ST6GALNAC3: variants seen among roughly 807,000 people sequenced by gnomAD.
ST6GALNAC3 encodes ST6 N-acetylgalactosaminide alpha-2,6-sialyltransferase 3.
A neutral mutation model predicts 32.7 loss-of-function variants in ST6GALNAC3; 25 were observed. The observed-to-expected ratio is 0.76, with a 90% confidence interval of 0.56 to 1.07. The LOEUF (loss-of-function observed/expected upper bound fraction) is 1.07. ST6GALNAC3 is among the 50% of genes least tolerant of loss of function. The probability of loss-of-function intolerance (pLI) is 0.00; values close to 1 mark genes in which losing one functional copy is unlikely to be tolerated. For missense variants in ST6GALNAC3, 355 were observed against 382.4 expected, an observed-to-expected ratio of 0.93 and a Z score of 0.60; for synonymous variants, 129 against 133.1, an observed-to-expected ratio of 0.97 and a Z score of 0.21.
intron 3 of ST6GALNAC3, among the ~76,000 whole-genome samples, chr1:76,594,551 A>G (rs553209219): frequency 6.6e-6 from 1 of 152,292 alleles, no homozygotes; most frequent in South Asian, 2.1e-4. Context: ...TTCTCCTCCT[A>G]AAGGAAAACT....
chr1:76,534,141 C>A (rs755200324), intron 3 of ST6GALNAC3, among the ~76,000 whole-genome samples: 1 of 152,086 alleles, frequency 6.6e-6, no homozygotes, highest in Non-Finnish European at 1.5e-5. Context: ...CTCCTGGGTT[C>A]GAGTGATCCT....
At chr1:76,525,071 A>G in intron 3 of ST6GALNAC3, among the ~76,000 whole-genome samples, 1 of 152,252 alleles carries the variant, frequency 6.6e-6, no homozygotes, top group East Asian at 1.9e-4. Flanking sequence ...TCATCAGTGC[A>G]TTTTTTAGTC....
chr1:76,107,286 A>G (rs546772064), intron 1 of ST6GALNAC3, among the ~76,000 whole-genome samples: 2 of 147,894 alleles, frequency 1.4e-5, no homozygotes, highest in African/African-American at 5.1e-5. Flanking sequence ...TATTCTTTAA[A>G]CACACTTTTG....
intron 2 of ST6GALNAC3, among the ~76,000 whole-genome samples, chr1:76,360,752 T>C (rs1465326319): frequency 6.6e-6 from 1 of 152,206 alleles, no homozygotes; most frequent in Non-Finnish European, 1.5e-5. Context: ...ACATAATAAG[T>C]AGGTTTGGGA....
chr1:76,268,885 G>A lies in ST6GALNAC3; in HGVS notation c.19-44920G>A, dbSNP rs146902022. Among the ~76,000 whole-genome samples the A allele has an allele frequency of 2.0e-3, 303 of 152,082 alleles. 3 individuals are homozygous for A. Among genetic ancestry groups the A allele is most frequent in the African/African-American group, 6.6e-3 (273 of 41,488 alleles). On this transcript the variant is annotated intron_variant, in intron 1 of 4. Transcript: ENST00000328299. ...AATATCTCCATCTTACTCATTCCTCGCCGTGGCCCTCTCCCACCAGGGACC... is the reference window on the plus strand; with the variant it reads ...AATATCTCCATCTTACTCATTCCTCACCGTGGCCCTCTCCCACCAGGGACC...
At chr1:76,319,601 A>G (rs1646930443) in intron 2 of ST6GALNAC3, among the ~76,000 whole-genome samples, 1 of 152,208 alleles carries the variant, frequency 6.6e-6, no homozygotes, top group Non-Finnish European at 1.5e-5. Flanking sequence ...ATTTGGTAAT[A>G]GAGGCTTTGG....
In ST6GALNAC3 at chr1:76,308,084, CA is replaced by C. The variant is rs367575752; in HGVS notation, c.19-5720del. Among the ~76,000 whole-genome samples, 359 of 152,210 alleles carry C rather than the reference CA, an allele frequency of 2.4e-3. 1 individual carries two copies. Among genetic ancestry groups the C allele is most frequent in the African/African-American group, 8.1e-3 (336 of 41,552 alleles). Reference sequence around the variant, plus strand: ...GAAAGCTTTCCCTAAAGCAATTCATCAGATCTATTTGGGCACAGTGACATTT... The same window carrying C: ...GAAAGCTTTCCCTAAAGCAATTCATCGATCTATTTGGGCACAGTGACATTT... On this transcript the variant is annotated intron_variant, in intron 1 of 4. Coordinates refer to ENST00000328299, the MANE Select transcript of ST6GALNAC3 (RefSeq NM_152996.4).
At chr1:76,232,292 G>A (rs901166663) in intron 1 of ST6GALNAC3, among the ~76,000 whole-genome samples, 1 of 152,176 alleles carries the variant, frequency 6.6e-6, no homozygotes, top group Non-Finnish European at 1.5e-5. Flanking sequence ...ATTGTATGGT[G>A]GCCTCTGAGC....
chr1:76,212,630 C>T (rs1190563400), intron 1 of ST6GALNAC3, among the ~76,000 whole-genome samples: 1 of 152,108 alleles, frequency 6.6e-6, no homozygotes, highest in African/African-American at 2.4e-5. Context: ...TCCACTTCTA[C>T]CACACAATAT....
chr1:76,188,394 A>C (rs1004876431), intron 1 of ST6GALNAC3, among the ~76,000 whole-genome samples: 3 of 152,202 alleles, frequency 2.0e-5, no homozygotes, highest in African/African-American at 7.2e-5. Context: ...TTAGTAGGTA[A>C]GGGTGAAAAT....
chr1:76,237,849 GT>G (rs1400442601), intron 1 of ST6GALNAC3, among the ~76,000 whole-genome samples: 3 of 152,202 alleles, frequency 2.0e-5, no homozygotes, highest in African/African-American at 7.2e-5. Context: ...AGAGCATATA[GT>G]CTAGCAGAGG....
At chr1:76,330,791 C>T (rs1450770571) in intron 2 of ST6GALNAC3, among the ~76,000 whole-genome samples, 1 of 152,154 alleles carries the variant, frequency 6.6e-6, no homozygotes, top group Non-Finnish European at 1.5e-5. Flanking sequence ...GTCGGTCTTT[C>T]CATATCCAAA....
intron 3 of ST6GALNAC3, among the ~76,000 whole-genome samples, chr1:76,603,704 A>G (rs1647350477): frequency 6.6e-6 from 1 of 152,144 alleles, no homozygotes; most frequent in Admixed American, 6.5e-5. Context: ...ATGAAGTCTC[A>G]CTCTGTCACC....
chr1:76,313,991 A>T lies in ST6GALNAC3; in HGVS notation c.205A>T (p.Thr69Ser), dbSNP rs747396639. 7.6e-5 allele frequency: 122 copies of T among 1,611,792 alleles called. No homozygotes were observed. Among genetic ancestry groups the T allele is most frequent in the Non-Finnish European group, 9.6e-5 (113 of 1,178,966 alleles). The change falls in exon 2 of 5, where the codon ACA becomes TCA. Residue 69 changes from threonine to serine, a missense_variant. Coordinates refer to ENST00000328299, the MANE Select transcript of ST6GALNAC3 (RefSeq NM_152996.4). ...RTHYGYINVKTQEPLQLDCDL... is the reference protein window; with the variant it reads ...RTHYGYINVKSQEPLQLDCDL... Reference sequence around the variant, plus strand: ...TCACTATGGATACATAAATGTGAAGACACAAGAGGTAAGATCCCAGAGGGT... The same window carrying T: ...TCACTATGGATACATAAATGTGAAGTCACAAGAGGTAAGATCCCAGAGGGT...
intron 2 of ST6GALNAC3, among the ~76,000 whole-genome samples, chr1:76,326,962 A>G (rs1207698642): frequency 4.0e-5 from 6 of 151,526 alleles, no homozygotes; most frequent in Admixed American, 1.3e-4. Flanking sequence ...TAAGATTTTT[A>G]AAGACAGTAC....
At chr1:76,086,160 C>T (rs536413950) in intron 1 of ST6GALNAC3, among the ~76,000 whole-genome samples, 1 of 152,326 alleles carries the variant, frequency 6.6e-6, no homozygotes, top group Admixed American at 6.5e-5. Context: ...CTTTGGACCC[C>T]CCACTTCTTT....
At chr1:76,293,350 G>T (rs1173767795) in intron 1 of ST6GALNAC3, among the ~76,000 whole-genome samples, 2 of 152,148 alleles carry the variant, frequency 1.3e-5, no homozygotes, top group African/African-American at 4.8e-5. Context: ...TGTCATCAGG[G>T]TCCTCATCTC....
At chr1:76,580,160 A>G (rs1487097273) in intron 3 of ST6GALNAC3, among the ~76,000 whole-genome samples, 2 of 152,108 alleles carry the variant, frequency 1.3e-5, no homozygotes, top group Non-Finnish European at 2.9e-5. Flanking sequence ...ATCATGAAGA[A>G]CACATGGATT....
At chr1:76,628,575 C>G (rs1649120849) in intron 4 of ST6GALNAC3, 45 bp from the exon 5 acceptor site, 2 of 1,514,042 alleles carry the variant, frequency 1.3e-6, no homozygotes, top group African/African-American at 1.4e-5. Context: ...GTGCTTCATT[C>G]TTCATCTCAA....
Sources: allele counts gnomAD v4.1 joint callset (sites outside exome capture counted in the v4.1 genomes callset), GRCh38; gene constraint gnomAD v4.1.1; transcripts MANE v1.5; gene names NCBI Gene and HGNC (gene_info 2026-07-23, HGNC 2026-07-21).